Variants in OGDH observed in about 807,000 individuals in gnomAD.
OGDH encodes oxoglutarate dehydrogenase.
Under a neutral mutation model 116.6 loss-of-function variants are expected in OGDH, and 38 were observed. That is an observed-to-expected ratio of 0.33 (90% confidence interval 0.25 to 0.43). OGDH has a LOEUF of 0.43. OGDH is among the 20% of genes least tolerant of loss of function. The pLI is 1.00. For synonymous variants in OGDH, 488 were observed against 533.3 expected, an observed-to-expected ratio of 0.92 and a Z score of 1.17; for missense variants, 825 against 1,357.2, an observed-to-expected ratio of 0.61 and a Z score of 6.16.
intron 2 of OGDH, among the ~76,000 whole-genome samples, chr7:44,635,037 T>A (rs892240852): frequency 9.2e-5 from 14 of 152,230 alleles, no homozygotes; most frequent in Non-Finnish European, 2.1e-4. Context: ...GACCATTTCC[T>A]GGGCAGCATT....
chr7:44,681,109 T>C (rs1016388510), intron 9 of OGDH, among the ~76,000 whole-genome samples: 1 of 152,202 alleles, frequency 6.6e-6, no homozygotes, highest in Non-Finnish European at 1.5e-5. Context: ...TCAATACTGC[T>C]GAGGCTGGGG....
In OGDH at chr7:44,706,080, A is replaced by G. The variant is rs548012447; in HGVS notation, c.2633-1145A>G. ...ACCAAAGCCTCCCAAGTAGCTGGGA[A>G]CACAAGGTGTGCACCACCGTGCCTG... On this transcript the variant is annotated intron_variant, in intron 20 of 22. Coordinates refer to ENST00000222673, the MANE Select transcript of OGDH (RefSeq NM_002541.4). Among the ~76,000 whole-genome samples, 4 of 152,122 alleles carry G rather than the reference A, an allele frequency of 2.6e-5. No homozygotes were observed. In the South Asian group the frequency reaches 8.3e-4, roughly 32 times the overall value.
rs1585207891 is a variant in OGDH at position 44,611,430 on chromosome 7, G to A, written c.-28+4777G>A. 4.0e-5 allele frequency among the ~76,000 whole-genome samples: 6 copies of A among 151,870 alleles called. No individual in the cohort carries two copies. The East Asian group carries it at 7.7e-4, about 20-fold the overall frequency. ...ACTACAGGTGCCCGCCACCATGCCC[G>A]GCTAATTTTTTTTTTTTGTATTTTT... On this transcript the variant is annotated intron_variant, in intron 1 of 22. Transcript: ENST00000222673.
At chr7:44,649,470 C>A (rs1163767976) in intron 4 of OGDH, among the ~76,000 whole-genome samples, 2 of 151,816 alleles carry the variant, frequency 1.3e-5, no homozygotes, top group Non-Finnish European at 2.9e-5. Flanking sequence ...CCTCAGCCTC[C>A]CAAAGTGCTG....
At chr7:44,701,692 C>T (rs1488063537) in intron 20 of OGDH, 77 bp downstream of exon 20, 3 of 1,342,124 alleles carry the variant, frequency 2.2e-6, no homozygotes, top group South Asian at 1.2e-5. Context: ...TTTTACAGCT[C>T]ATGGGACTGA....
chr7:44,649,538 A>G lies in OGDH; in HGVS notation c.517+1779A>G, dbSNP rs369938706. ...GAATGCTCATTTTTTACAAGCAGCA[A>G]AACATTCGAACAGGAGAGGAGCAGA... On this transcript the variant is annotated intron_variant, in intron 4 of 22. Coordinates refer to ENST00000222673, the MANE Select transcript of OGDH (RefSeq NM_002541.4). Among the ~76,000 whole-genome samples, 34 of 152,208 alleles carry G rather than the reference A, an allele frequency of 2.2e-4. No individual in the cohort carries two copies. The South Asian group carries it at 6.2e-3, about 28-fold the overall frequency.
chr7:44,675,636 G>A (rs1787658606), intron 8 of OGDH, among the ~76,000 whole-genome samples: 1 of 152,132 alleles, frequency 6.6e-6, no homozygotes, highest in Admixed American at 6.5e-5. Flanking sequence ...CCAACACTTT[G>A]GGAGGCTGAG....
Position 44,694,093 on chromosome 7 carries a change from C to A in OGDH, c.1515+89C>A. 1 of 1,410,694 alleles carries A rather than the reference C, an allele frequency of 7.1e-7. No homozygotes were observed. Among genetic ancestry groups the A allele is most frequent in the Non-Finnish European group, 9.6e-7 (1 of 1,042,720 alleles). 87.4% of individuals were successfully genotyped at this position (1,410,694 alleles called of 1,614,324 possible). ...CACCCCTGTGTCCCAAGGAGAGGAGCTTGTCTAGATGAGTCACCTCAGGGC... is the reference window on the plus strand; with the variant it reads ...CACCCCTGTGTCCCAAGGAGAGGAGATTGTCTAGATGAGTCACCTCAGGGC... On this transcript the variant is annotated intron_variant, in intron 11 of 22. Transcript: ENST00000222673. The surrounding 1 kb of genome is among the most constrained non-coding windows in gnomAD (Gnocchi z 4.2).
chr7:44,701,717 A>G, intron 20 of OGDH, 102 bp downstream of exon 20: 4 of 1,185,518 alleles, frequency 3.4e-6, no homozygotes, highest in South Asian at 2.5e-5. Context: ...TGTGATTCTC[A>G]CTGGCTCTTG....
At position 44,708,931 on chromosome 7, in the gene OGDH, C is replaced by T. The variant is rs954620305; in HGVS notation, c.*932C>T. On this transcript the variant is annotated 3_prime_UTR_variant, in exon 23 of 23. Transcript: ENST00000222673. ...GAGGGGCCAGGCCATGGCCAAGGGG[C>T]CAGCTGCCCCTCATTTATCACTCTG... 3 of 152,052 alleles carry T rather than the reference C, an allele frequency of 2.0e-5. No individual in the cohort carries two copies. The highest frequency in any genetic ancestry group is 7.3e-5 in the African/African-American group (3 of 41,376). The allele number at this position is 152,052 out of a possible 1,614,324, so 9.4% of individuals were successfully genotyped here. A position where few individuals can be genotyped will look rare whatever the true frequency, so the allele number is the denominator to read the frequency against.
rs60453820 is a variant in OGDH, at chr7:44,706,624, A to ATTTTT, written c.2633-590_2633-586dup. ...GGCGTGAGCCATGCGCCCGGCTGGT[A>ATTTTT]TTTTTTTTTTTTTTTGTCTGGAGAT... On this transcript the variant is annotated intron_variant, in intron 20 of 22. Transcript: ENST00000222673. Among the ~76,000 whole-genome samples the ATTTTT allele has an allele frequency of 6.0e-3, 734 of 123,234 alleles. 34 individuals are homozygous for ATTTTT. Among genetic ancestry groups the ATTTTT allele is most frequent in the African/African-American group, 0.021 (639 of 31,064 alleles). The allele number at this position is 123,234 out of a possible 152,430, so 80.8% of individuals were successfully genotyped here.
intron 19 of OGDH, among the ~76,000 whole-genome samples, chr7:44,701,094 G>A (rs1415002344): frequency 1.3e-5 from 2 of 152,232 alleles, no homozygotes; most frequent in African/African-American, 4.8e-5. Context: ...ATACCGCGGG[G>A]GTGGGAGTAT....
In OGDH at chr7:44,686,936, C is replaced by T. The variant is rs539040167; in HGVS notation, c.1335+5088C>T. On this transcript the variant is annotated intron_variant, in intron 10 of 22. Transcript: ENST00000222673. ...TCCTGACCTCAGGTGATCCACCCGC[C>T]TCAGCCTCCCAAAGTGCTGGGATTA... is the stretch of plus-strand genomic sequence containing the variant. Among the ~76,000 whole-genome samples the T allele has an allele frequency of 7.9e-5, 12 of 151,798 alleles. No homozygotes were observed. In the South Asian group the frequency reaches 1.0e-3, roughly 13 times the overall value.
chr7:44,668,115 T>C (rs1014038570), intron 5 of OGDH, among the ~76,000 whole-genome samples: 4 of 152,190 alleles, frequency 2.6e-5, no homozygotes, highest in Admixed American at 6.5e-5. Flanking sequence ...TGTCAGTGTT[T>C]CCAGTTGGCT....
chr7:44,678,872 CT>C (rs1787810612), intron 9 of OGDH, among the ~76,000 whole-genome samples: 1 of 152,300 alleles, frequency 6.6e-6, no homozygotes, highest in South Asian at 2.1e-4. Flanking sequence ...GAATTACATA[CT>C]TTCTGTAAGT....
chr7:44,702,748 A>C (rs2116406322), intron 20 of OGDH, among the ~76,000 whole-genome samples: 1 of 152,108 alleles, frequency 6.6e-6, no homozygotes, highest in South Asian at 2.1e-4. Context: ...GCCCGCCACC[A>C]CGCCTGGCTA....
intron 10 of OGDH, among the ~76,000 whole-genome samples, chr7:44,682,049 C>T (rs1787949961): frequency 6.6e-6 from 1 of 152,132 alleles, no homozygotes; most frequent in Non-Finnish European, 1.5e-5. Flanking sequence ...GAGTTTGAGA[C>T]CAGTCTGGGC....
intron 10 of OGDH, among the ~76,000 whole-genome samples, chr7:44,685,722 A>G (rs1788100187): frequency 6.6e-6 from 1 of 151,802 alleles, no homozygotes; most frequent in Non-Finnish European, 1.5e-5. Context: ...GGGCTCATGC[A>G]GTCCCCCCAC....
At chr7:44,681,882 C>T (rs778500942) in intron 10 of OGDH, 34 bp downstream of exon 10, 28 of 1,611,676 alleles carry the variant, frequency 1.7e-5, no homozygotes, top group Non-Finnish European at 2.0e-5. Flanking sequence ...TTGCTGCTCA[C>T]ATCAGTCTTA....
Sources: gnomAD v4.1 joint callset for allele counts (sites outside exome capture counted in the v4.1 genomes callset) on GRCh38, gnomAD v4.1.1 for gene constraint, Gnocchi (gnomAD v3.1) non-coding constraint, MANE v1.5 for transcripts, NCBI Gene and HGNC (gene_info 2026-07-23, HGNC 2026-07-21) for gene names.